The following RFPL2 variants were observed in gnomAD, a reference collection of about 807,000 sequenced individuals.
RFPL2 encodes ret finger protein like 2.
A neutral mutation model predicts 17.8 loss-of-function variants in RFPL2; 13 were observed. The ratio of observed to expected loss-of-function variants is 0.73; its 90% CI spans 0.47 to 1.16. The LOEUF (loss-of-function observed/expected upper bound fraction) is 1.16, where lower values mean the gene tolerates loss of function less well. RFPL2 is among the 50% of genes most tolerant of loss of function. The pLI is 0.00. For missense variants in RFPL2, 431 were observed against 479.3 expected (o/e 0.90, Z 0.94); for synonymous variants, 189 against 180.9 (o/e 1.04, Z -0.36).
rs751074149 is a variant in RFPL2, at chr22:32,192,968, T to G, written c.490A>C (p.Ile164Leu). 2 of 1,614,186 alleles carry G rather than the reference T, an allele frequency of 1.2e-6. No homozygotes were observed. The highest frequency in any genetic ancestry group is 1.7e-6 in the Non-Finnish European group (2 of 1,180,030). ...TTCAGCTTGGGCTCCAGTTCCTTGA[T>G]GTGGGAAGCCAGCCTCTCTAGCTGC... ...NRQLERLASH[I>L]KELEPKLKKI... The change falls in exon 4 of 5, where the codon ATC becomes CTC. Residue 164 changes from isoleucine (I) to leucine (L), a missense_variant. Transcript: ENST00000652607.
intron 2 of RFPL2, among the ~76,000 whole-genome samples, chr22:32,202,099 C>T (rs1295187512): frequency 6.6e-6 from 1 of 152,108 alleles, no homozygotes; most frequent in Non-Finnish European, 1.5e-5. Context: ...AGAGGACGCC[C>T]CCAGCTCCTG....
intron 1 of RFPL2, chr22:32,202,946 C>A (rs1924094615): frequency 2.0e-6 from 2 of 986,662 alleles, no homozygotes; most frequent in South Asian, 9.4e-5. Context: ...CAATAGGAGG[C>A]GGGTCCAGGA....
rs1346602321 is a variant in RFPL2, at chr22:32,192,875, A to AG, written c.556+26dup. ...GATTTTTCCTGGTCTGGTCTTGGGA[A>AG]GGGGGCAGGGTATACAGATGCCTTA... is the stretch of plus-strand genomic sequence containing the variant. On this transcript the variant is annotated intron_variant, in intron 4 of 4. Transcript: ENST00000652607. 3.8e-6 allele frequency: 6 copies of AG among 1,573,782 alleles called. No individual in the cohort carries two copies. In the South Asian group the frequency reaches 7.2e-5, roughly 19 times the overall value.
intron 2 of RFPL2, among the ~76,000 whole-genome samples, chr22:32,196,195 A>C (rs1320023056): frequency 6.6e-6 from 1 of 152,242 alleles, no homozygotes; most frequent in African/African-American, 2.4e-5. Flanking sequence ...GACCCAGAGA[A>C]GTGATGAATC....
rs1922859220 is a variant in RFPL2, at chr22:32,193,009, T to C, written c.449A>G (p.Lys150Arg). 3.1e-6 allele frequency: 5 copies of C among 1,613,998 alleles called. No homozygotes were observed. The highest frequency in any genetic ancestry group is 4.2e-6 in the Non-Finnish European group (5 of 1,180,022). The stretch of plus-strand genomic sequence containing the variant: ...CTCTAGCTGCCGATTGCGCCTGATT[T>C]TGTTCTTCCGAGAGACCATGGAAGA... ...CCSSMVSRKN[K>R]IRRNRQLERL... The change falls in exon 4 of 5, where the codon AAA becomes AGA. Residue 150 changes from lysine (K) to arginine (R), a missense_variant. Lys to Arg is a conservative substitution (Grantham distance 26). Coordinates refer to ENST00000652607, the MANE Select transcript of RFPL2 (RefSeq NM_001394555.1).
At chr22:32,204,287 C>G (rs1924308128) in intron 1 of RFPL2, among the ~76,000 whole-genome samples, 1 of 151,968 alleles carries the variant, frequency 6.6e-6, no homozygotes, top group African/African-American at 2.4e-5. Context: ...TCCCAGATAG[C>G]GCCCCCAACC....
chr22:32,204,458 C>T (rs1277099748), intron 1 of RFPL2, among the ~76,000 whole-genome samples: 1 of 152,116 alleles, frequency 6.6e-6, no homozygotes, highest in Non-Finnish European at 1.5e-5. Context: ...GGGTTGTAGC[C>T]CACGATGGCG....
chr22:32,202,672 A>G (rs1427562114), intron 1 of RFPL2, 122 bp from the exon 2 acceptor site: 12 of 1,362,624 alleles, frequency 8.8e-6, no homozygotes, highest in Non-Finnish European at 1.0e-5. Context: ...CTCTCCTTTT[A>G]GCGCAAGCTG....
intron 2 of RFPL2, among the ~76,000 whole-genome samples, chr22:32,201,355 AT>A (rs1297942593): frequency 3.3e-5 from 5 of 152,066 alleles, no homozygotes; most frequent in African/African-American, 1.2e-4. Flanking sequence ...CCTTATTTCT[AT>A]GAGAATATGC....
intron 4 of RFPL2, among the ~76,000 whole-genome samples, chr22:32,191,580 T>C (rs1423768086): frequency 6.6e-6 from 1 of 152,262 alleles, no homozygotes; most frequent in Non-Finnish European, 1.5e-5. Flanking sequence ...TTTTACTTTA[T>C]GTCATGTGTT....
rs769769940 is a variant in RFPL2 at position 32,194,507 on chromosome 22, A to G, written c.120-17T>C. 4 of 1,605,490 alleles carry G rather than the reference A, an allele frequency of 2.5e-6. No individual in the cohort carries two copies. In the South Asian group the frequency reaches 3.4e-5, roughly 13 times the overall value. On this transcript the variant is annotated splice_polypyrimidine_tract_variant and intron_variant, in intron 2 of 4. Coordinates refer to ENST00000652607, the MANE Select transcript of RFPL2 (RefSeq NM_001394555.1). ...CTGATGAGGCTTTGATTTAATTATA[A>G]CAGGGAATTAGGTTTTTACTGGTGA...
chr22:32,202,953 AG>A (rs1254555883), intron 1 of RFPL2: 1 of 986,310 alleles, frequency 1.0e-6, no homozygotes. Flanking sequence ...AGGCGGGTCC[AG>A]GAAGCACCAC....
In RFPL2 at chr22:32,202,522, G is replaced by T; in HGVS notation, c.-71C>A. 2 of 1,544,010 alleles carry T rather than the reference G, an allele frequency of 1.3e-6. No homozygotes were observed. The highest frequency in any genetic ancestry group is 8.7e-7 in the Non-Finnish European group (1 of 1,144,702). On this transcript the variant is annotated 5_prime_UTR_variant, in exon 2 of 5. Coordinates refer to ENST00000652607, the MANE Select transcript of RFPL2 (RefSeq NM_001394555.1). The stretch of plus-strand genomic sequence containing the variant: ...CATGTAGCTCCTTCTCAGGGCACTG[G>T]GCATCCGGGCAGACAAAGCCAGAAA...
chr22:32,194,915 A>G (rs2413085), intron 2 of RFPL2, among the ~76,000 whole-genome samples: 1 of 152,242 alleles, frequency 6.6e-6, no homozygotes, highest in Non-Finnish European at 1.5e-5. Context: ...GGAAAAAATT[A>G]GATAATTACT....
rs1306029716 is a variant in RFPL2 at position 32,193,356 on chromosome 22, C to G, written c.266-164G>C. 1.7e-5 allele frequency: 26 copies of G among 1,559,504 alleles called. No homozygotes were observed. In the Admixed American group the frequency reaches 4.8e-4, roughly 29 times the overall value. On this transcript the variant is annotated intron_variant, in intron 3 of 4. Coordinates refer to ENST00000652607, the MANE Select transcript of RFPL2 (RefSeq NM_001394555.1). ...ACACTCAAGCACATCCCCCCACCCCCCGTCTTCAGAGATTTGAAGTTCTAT... is the reference window on the plus strand; with the variant it reads ...ACACTCAAGCACATCCCCCCACCCCGCGTCTTCAGAGATTTGAAGTTCTAT...
At position 32,202,675 on chromosome 22, in the gene RFPL2, G is replaced by T. The variant is rs182439920; in HGVS notation, c.-99-125C>A. ...TCAAAGTCCAGCCTCTCCTTTTAGC[G>T]CAAGCTGGCCAGGAACTGCGGCCTG... On this transcript the variant is annotated intron_variant, in intron 1 of 4. Transcript: ENST00000652607. The T allele has an allele frequency of 7.1e-5, 96 of 1,356,710 alleles. No homozygotes were observed. The African/African-American group carries it at 1.3e-3, about 18-fold the overall frequency. 84.0% of individuals were successfully genotyped at this position (1,356,710 alleles called of 1,614,324 possible). A position where few individuals can be genotyped will look rare whatever the true frequency, so the allele number is the denominator to read the frequency against.
Position 32,191,182 on chromosome 22 carries a change from A to G in RFPL2, c.727T>C (p.Trp243Arg). The G allele has an allele frequency of 6.2e-7, 1 of 1,613,898 alleles. No individual in the cohort carries two copies. The change falls in exon 5 of 5, where the codon TGG (tryptophan) becomes CGG (arginine). Residue 243 changes from tryptophan (W) to arginine (R), a missense_variant. Coordinates refer to ENST00000652607, the MANE Select transcript of RFPL2 (RefSeq NM_001394555.1). ...SPRFTCGRHC[W>R]EVDVGTSTEW... ...GTGCTTGTTCCCACGTCCACCTCCC[A>G]GCAGTGGCGGCCACAGGTAAAGCGA... is the stretch of plus-strand genomic sequence containing the variant.
intron 3 of RFPL2, 49 bp from the exon 4 acceptor site, chr22:32,193,241 G>T (rs1338709563): frequency 6.2e-7 from 1 of 1,613,856 alleles, no homozygotes; most frequent in Non-Finnish European, 8.5e-7. Context: ...TGAGGTGAAA[G>T]CCTGTTAGTT....
intron 3 of RFPL2, 36 bp downstream of exon 3, chr22:32,194,309 C>G (rs1485301350): frequency 1.9e-6 from 3 of 1,590,414 alleles, no homozygotes; most frequent in Non-Finnish European, 2.6e-6. Context: ...TTCTAGGCAT[C>G]TAAGAGGAAA....
Sources: allele counts gnomAD v4.1 joint callset (sites outside exome capture counted in the v4.1 genomes callset), GRCh38; gene constraint gnomAD v4.1.1; transcripts MANE v1.5; gene names NCBI Gene and HGNC (gene_info 2026-07-23, HGNC 2026-07-21).